The following TMEM266 variants were observed in gnomAD, a reference collection of about 807,000 sequenced individuals.
TMEM266 encodes transmembrane protein 266.
TMEM266 carries 33 observed loss-of-function variants against 50.5 expected under a neutral mutation model. The observed-to-expected ratio is 0.65, with a 90% CI of 0.50 to 0.87. The LOEUF is 0.87. Ranked by LOEUF, TMEM266 falls within the 40% of genes least tolerant of loss-of-function variation. The pLI is 0.00. For missense variants in TMEM266, 655 were observed against 695.1 expected, an observed-to-expected ratio of 0.94 and a Z score of 0.65; for synonymous variants, 310 against 292.3, an observed-to-expected ratio of 1.06 and a Z score of -0.62.
chr15:76,130,245 A>C (rs1351687859), intron 1 of TMEM266, among the ~76,000 whole-genome samples: 1 of 96,890 alleles, frequency 1.0e-5, no homozygotes, highest in South Asian at 3.0e-4. Context: ...AAAAAAAAAA[A>C]AAAAAAAAAC....
At chr15:76,120,021 C>G (rs2037316184) in intron 1 of TMEM266, among the ~76,000 whole-genome samples, 1 of 152,184 alleles carries the variant, frequency 6.6e-6, no homozygotes, top group African/African-American at 2.4e-5. Context: ...AGGGAGCTTT[C>G]CTACTTTGCT....
intron 4 of TMEM266, among the ~76,000 whole-genome samples, chr15:76,159,624 C>G (rs1201309499): frequency 1.3e-5 from 2 of 152,162 alleles, no homozygotes; most frequent in African/African-American, 4.8e-5. Context: ...AATGAAAAGT[C>G]ACAGTAAGCT....
intron 1 of TMEM266, among the ~76,000 whole-genome samples, chr15:76,111,691 C>T (rs868144258): frequency 2.6e-5 from 4 of 152,142 alleles, no homozygotes; most frequent in Middle Eastern, 3.2e-3. Flanking sequence ...TACAGGCATG[C>T]GCCACCATGC....
chr15:76,200,131 G>C (rs2038722327), intron 9 of TMEM266, among the ~76,000 whole-genome samples: 1 of 152,166 alleles, frequency 6.6e-6, no homozygotes, highest in Non-Finnish European at 1.5e-5. Context: ...TGGGCTCACT[G>C]TGACTCCACT....
In TMEM266 at chr15:76,204,051, G is replaced by A; in HGVS notation, c.1332G>A (p.Leu444=). Residue 444 remains leucine, a synonymous_variant, in exon 11 of 11, where the codon CTG becomes CTA. Transcript: ENST00000388942. ...AGGAGGCCACAGTCCAGGACCTGCT[G>A]TCCTCCCTGTCGGAGGACCCCTGCC... 6.2e-7 allele frequency: 1 copy of A among 1,612,250 alleles called. No homozygotes were observed. Among genetic ancestry groups the A allele is most frequent in the Non-Finnish European group, 8.5e-7 (1 of 1,179,184 alleles).
chr15:76,177,307 A>G (rs2038300816), intron 8 of TMEM266, among the ~76,000 whole-genome samples: 1 of 152,192 alleles, frequency 6.6e-6, no homozygotes, highest in Non-Finnish European at 1.5e-5. Context: ...TGTTCAGTGT[A>G]TGTCGTGGGT....
chr15:76,069,801 G>A (rs910878401), intron 1 of TMEM266, among the ~76,000 whole-genome samples: 1 of 151,458 alleles, frequency 6.6e-6, no homozygotes, highest in Non-Finnish European at 1.5e-5. Flanking sequence ...CTGGGCAGCC[G>A]AGTGAGGCTC....
chr15:76,106,284 G>A lies in TMEM266; in HGVS notation c.-96-27884G>A, dbSNP rs116102456. ...CACTGGGAATGCCCTCTCCCTACCC[G>A]TGTCATATTCACAACTGACTTCCTT... On this transcript the variant is annotated intron_variant, in intron 1 of 10. Coordinates refer to ENST00000388942, the MANE Select transcript of TMEM266 (RefSeq NM_152335.3). Among the ~76,000 whole-genome samples, 617 of 152,190 alleles carry A rather than the reference G, an allele frequency of 4.1e-3. 9 individuals are homozygous for A. The highest frequency in any genetic ancestry group is 0.013 in the African/African-American group (556 of 41,506).
At chr15:76,116,267 C>A (rs1398793365) in intron 1 of TMEM266, among the ~76,000 whole-genome samples, 2 of 110,848 alleles carry the variant, frequency 1.8e-5, no homozygotes, top group African/African-American at 8.5e-5. Context: ...GCTCCCTGTT[C>A]CTCCGCAGTC....
At chr15:76,088,727 G>A (rs1156384848) in intron 1 of TMEM266, among the ~76,000 whole-genome samples, 5 of 151,878 alleles carry the variant, frequency 3.3e-5, no homozygotes, top group Non-Finnish European at 5.9e-5. Flanking sequence ...AACCCGGGAG[G>A]CGGAGCTTGC....
intron 1 of TMEM266, among the ~76,000 whole-genome samples, chr15:76,129,692 T>C (rs982464998): frequency 2.6e-5 from 4 of 151,806 alleles, no homozygotes; most frequent in African/African-American, 9.7e-5. Flanking sequence ...GCTAAGGAAA[T>C]ATAATCACCA....
intron 9 of TMEM266, among the ~76,000 whole-genome samples, chr15:76,197,426 C>CTAACTTTGGTTCACTGCTCTGCTGT (rs1272110143): frequency 1.3e-5 from 2 of 152,208 alleles, no homozygotes; most frequent in African/African-American, 4.8e-5. Context: ...ACACAGGGCC[C>CTAACTTTGGTTCACTGCTCTGCTGT]TAACTTTGGT....
At chr15:76,159,476 TCATCCCA>T (rs200133733) in intron 4 of TMEM266, among the ~76,000 whole-genome samples, 1,558 of 152,196 alleles carry the variant, frequency 0.01, 29 homozygotes, top group African/African-American at 0.036. Context: ...TTAGCAGACC[TCATCCCA>T]CTGGCTCTGC....
intron 1 of TMEM266, among the ~76,000 whole-genome samples, chr15:76,103,340 CAA>C (rs34638730): frequency 2.1e-5 from 3 of 145,206 alleles, no homozygotes; most frequent in Non-Finnish European, 3.0e-5. Context: ...CCATCTCTGC[CAA>C]AAAAAAAAAT....
At chr15:76,116,790 T>A (rs12442447) in intron 1 of TMEM266, among the ~76,000 whole-genome samples, 1 of 152,012 alleles carries the variant, frequency 6.6e-6, no homozygotes, top group African/African-American at 2.4e-5. Flanking sequence ...TTTCCTATTA[T>A]GTTACAGACA....
At chr15:76,077,254 G>A (rs984300482) in intron 1 of TMEM266, among the ~76,000 whole-genome samples, 153 of 152,168 alleles carry the variant, frequency 1.0e-3, no homozygotes, top group African/African-American at 3.3e-3. Flanking sequence ...GTGAACCACC[G>A]TGCCTGGCCC....
intron 1 of TMEM266, among the ~76,000 whole-genome samples, chr15:76,081,828 G>C (rs1328524728): frequency 6.6e-6 from 1 of 152,190 alleles, no homozygotes; most frequent in Non-Finnish European, 1.5e-5. Flanking sequence ...CTGGAAGAGT[G>C]CCTATCTGAT....
chr15:76,130,229 A>AC, intron 1 of TMEM266, among the ~76,000 whole-genome samples: 3 of 96,068 alleles, frequency 3.1e-5, no homozygotes, highest in Non-Finnish European at 5.7e-5. Context: ...AAAAAAAAAA[A>AC]AAAAAAAAAA....
chr15:76,104,990 C>T (rs949483252), intron 1 of TMEM266, among the ~76,000 whole-genome samples: 2 of 152,132 alleles, frequency 1.3e-5, no homozygotes, highest in Admixed American at 6.5e-5. Context: ...GAAGCTGAGG[C>T]GGGTGGATCA....
Sources: allele counts gnomAD v4.1 joint callset (sites outside exome capture counted in the v4.1 genomes callset), GRCh38; gene constraint gnomAD v4.1.1; transcripts MANE v1.5; gene names NCBI Gene and HGNC (gene_info 2026-07-23, HGNC 2026-07-21).